Variants in ZNF385D observed in about 807,000 individuals in gnomAD.
The protein encoded by ZNF385D is zinc finger protein 385D, also known as zinc finger protein 659.
In ZNF385D, 15 loss-of-function variants were observed where a neutral mutation model predicts 35.8. That is an observed-to-expected ratio of 0.42 (90% CI 0.28 to 0.64). The LOEUF (loss-of-function observed/expected upper bound fraction) is 0.64, where lower values mean the gene tolerates loss of function less well. ZNF385D is among the 30% of genes least tolerant of loss of function. The pLI is 0.23. For synonymous variants in ZNF385D, 212 were observed against 186.8 expected, an observed-to-expected ratio of 1.13 and a Z score of -1.10; for missense variants, 474 against 494.6, an observed-to-expected ratio of 0.96 and a Z score of 0.39.
At chr3:21,849,813 A>G (rs993999844) in intron 3 of ZNF385D, 7 of 151,904 alleles carry the variant, frequency 4.6e-5, no homozygotes, top group Non-Finnish European at 1.0e-4. Flanking sequence ...GGACAAGATC[A>G]TAACTCACTG....
rs968291847 is a variant in ZNF385D, at chr3:21,813,484, C to G, written c.326-148456G>C. ...GATTAGGTGAATGGCTAACTAGAAT[C>G]AACAGTGTACAGAAGACCTTAAATG... is the stretch of plus-strand genomic sequence containing the variant. On this transcript the variant is annotated intron_variant, in intron 3 of 5. Transcript: ENST00000494108. Among the ~76,000 whole-genome samples, 8 of 152,108 alleles carry G rather than the reference C, an allele frequency of 5.3e-5. No individual in the cohort carries two copies. In the South Asian group the frequency reaches 1.5e-3, roughly 28 times the overall value.
intron 2 of ZNF385D, among the ~76,000 whole-genome samples, chr3:22,248,416 G>A (rs1009862066): frequency 6.6e-6 from 1 of 152,118 alleles, no homozygotes; most frequent in Non-Finnish European, 1.5e-5. Flanking sequence ...GAAGAAAGTA[G>A]ATATTATATA....
At chr3:21,733,912 T>A (rs1232250650) in intron 1 of ZNF385D, among the ~76,000 whole-genome samples, 2 of 152,184 alleles carry the variant, frequency 1.3e-5, no homozygotes, top group Non-Finnish European at 2.9e-5. Flanking sequence ...GTATTGAGAT[T>A]TACTTTTTAA....
intron 2 of ZNF385D, among the ~76,000 whole-genome samples, chr3:22,232,994 T>C (rs1336042851): frequency 6.6e-6 from 1 of 152,200 alleles, no homozygotes; most frequent in African/African-American, 2.4e-5. Flanking sequence ...TTTTAAATTC[T>C]AAGTTTAAAT....
chr3:21,435,691 G>A (rs1418160380), intron 5 of ZNF385D, among the ~76,000 whole-genome samples: 1 of 152,122 alleles, frequency 6.6e-6, no homozygotes, highest in African/African-American at 2.4e-5. Context: ...GGAAATAAAT[G>A]GACTACCAAT....
rs142048419 is a variant in ZNF385D at position 21,599,882 on chromosome 3, A to G, written c.166-35198T>C. Among the ~76,000 whole-genome samples, 20 of 152,292 alleles carry G rather than the reference A, an allele frequency of 1.3e-4. No individual in the cohort carries two copies. In the East Asian group the frequency reaches 3.9e-3, roughly 29 times the overall value. Reference sequence around the variant, plus strand: ...GCTGGGTAAAATGATGTTGAGACCTACTGGGCTGCATTCCCAGATGGTTAA... The same window carrying G: ...GCTGGGTAAAATGATGTTGAGACCTGCTGGGCTGCATTCCCAGATGGTTAA... On this transcript the variant is annotated intron_variant, in intron 2 of 7. Coordinates refer to ENST00000281523, the MANE Select transcript of ZNF385D (RefSeq NM_024697.3).
At position 21,415,123 on chromosome 3, in the gene ZNF385D, C is replaced by A. The variant is rs761421925; in HGVS notation, c.*6091G>T. ...TTAAAACTCTCTGACATCATTGTTT[C>A]TCAATAGATTTATGTTGAACAATCC... On this transcript the variant is annotated 3_prime_UTR_variant, in exon 8 of 8. Coordinates refer to ENST00000281523, the MANE Select transcript of ZNF385D (RefSeq NM_024697.3). 2.6e-5 allele frequency: 4 copies of A among 152,086 alleles called. No homozygotes were observed. Among genetic ancestry groups the A allele is most frequent in the Non-Finnish European group, 5.9e-5 (4 of 68,008 alleles). 9.4% of individuals were successfully genotyped at this position (152,086 alleles called of 1,614,324 possible).
At chr3:21,758,975 CAAAAAAAA>C (rs58450064) in intron 3 of ZNF385D, among the ~76,000 whole-genome samples, 140 of 29,204 alleles carry the variant, frequency 4.8e-3, no homozygotes, top group African/African-American at 0.017. Context: ...TCATCACTGG[CAAAAAAAA>C]AAAAAAAAAA....
At chr3:21,854,493 T>G (rs1696597290) in intron 3 of ZNF385D, among the ~76,000 whole-genome samples, 1 of 152,000 alleles carries the variant, frequency 6.6e-6, no homozygotes, top group African/African-American at 2.4e-5. Context: ...GCACTTGGTT[T>G]AATGATCTTC....
At chr3:21,453,783 A>C (rs1048617752) in intron 4 of ZNF385D, among the ~76,000 whole-genome samples, 1 of 152,072 alleles carries the variant, frequency 6.6e-6, no homozygotes, top group African/African-American at 2.4e-5. Context: ...TGGTGCTGTC[A>C]CTGTGGAAAA....
intron 2 of ZNF385D, among the ~76,000 whole-genome samples, chr3:22,362,404 G>A (rs564555865): frequency 2.3e-4 from 35 of 151,964 alleles, no homozygotes; most frequent in Non-Finnish European, 3.5e-4. Flanking sequence ...ACCAAATTCC[G>A]TAGGAACTGA....
At chr3:21,987,316 C>A (rs1412501863) in intron 3 of ZNF385D, among the ~76,000 whole-genome samples, 1 of 130,618 alleles carries the variant, frequency 7.7e-6, no homozygotes, top group Non-Finnish European at 1.5e-5. Flanking sequence ...CCGGTTGTTC[C>A]TTTCCATGTT....
At chr3:22,032,134 G>C (rs1404442779) in intron 3 of ZNF385D, among the ~76,000 whole-genome samples, 1 of 152,208 alleles carries the variant, frequency 6.6e-6, no homozygotes, top group East Asian at 1.9e-4. Context: ...TAAGCATTTT[G>C]TCAAAACCAT....
At chr3:22,122,515 G>C (rs1441091754) in intron 3 of ZNF385D, among the ~76,000 whole-genome samples, 1 of 152,080 alleles carries the variant, frequency 6.6e-6, no homozygotes, top group Admixed American at 6.6e-5. Flanking sequence ...ATATATGTCA[G>C]AATCTTTTCT....
chr3:21,916,714 T>A (rs1337113309), intron 3 of ZNF385D, among the ~76,000 whole-genome samples: 1 of 152,214 alleles, frequency 6.6e-6, no homozygotes, highest in Non-Finnish European at 1.5e-5. Flanking sequence ...TTGGAAAAGG[T>A]CTGCCACAAT....
chr3:22,083,195 C>T (rs900513469), intron 3 of ZNF385D, among the ~76,000 whole-genome samples: 38 of 152,224 alleles, frequency 2.5e-4, no homozygotes, highest in Admixed American at 2.5e-3. Flanking sequence ...ATCGCAGCTC[C>T]TCGCCAGCAA....
chr3:21,511,685 A>T (rs1283666180), intron 3 of ZNF385D: 1 of 456,560 alleles, frequency 2.2e-6, no homozygotes, highest in Non-Finnish European at 4.4e-6. Flanking sequence ...TTCATGCCCC[A>T]GTCCATTGTT....
At chr3:21,552,261 A>T (rs1330013401) in intron 3 of ZNF385D, among the ~76,000 whole-genome samples, 2 of 152,216 alleles carry the variant, frequency 1.3e-5, no homozygotes, top group Non-Finnish European at 2.9e-5. Context: ...TTATTTAAAT[A>T]GAGATAATTT....
chr3:22,127,985 C>T (rs1008937138), intron 3 of ZNF385D, among the ~76,000 whole-genome samples: 1 of 152,040 alleles, frequency 6.6e-6, no homozygotes, highest in Non-Finnish European at 1.5e-5. Flanking sequence ...GAGTTTTGTA[C>T]CTTCAGGTGA....
Sources: allele counts gnomAD v4.1 joint callset (sites outside exome capture counted in the v4.1 genomes callset), GRCh38; gene constraint gnomAD v4.1.1; transcripts MANE v1.5; gene names NCBI Gene and HGNC (gene_info 2026-07-23, HGNC 2026-07-21).